AVEN: variants seen among roughly 807,000 people sequenced by gnomAD.
The protein encoded by AVEN is cell death regulator Aven.
AVEN carries 41 observed loss-of-function variants against 38.1 expected under a neutral mutation model. The ratio of observed to expected loss-of-function variants is 1.08; its 90% confidence interval spans 0.84 to 1.40. The LOEUF (loss-of-function observed/expected upper bound fraction) is 1.40. Among genes scored for constraint, AVEN ranks in the 40% most tolerant of loss-of-function variants. The pLI is 0.00. For synonymous variants in AVEN, 206 were observed against 171.8 expected (o/e 1.20, Z -1.56); for missense variants, 605 against 438.8 (o/e 1.38, Z -3.38).
At position 33,866,609 on chromosome 15, in the gene AVEN, C is replaced by T. The variant is rs1329771105; in HGVS notation, c.*4G>A. ...ATTTGCTTCAGGCACTTTTTTTCCC[C>T]TTTTTAGGAAATCATGCTGTCCAAC... On this transcript the variant is annotated 3_prime_UTR_variant, in exon 6 of 6. Coordinates refer to ENST00000306730, the MANE Select transcript of AVEN (RefSeq NM_020371.3). 6.2e-7 allele frequency: 1 copy of T among 1,611,234 alleles called. No homozygotes were observed. The highest frequency in any genetic ancestry group is 8.5e-7 in the Non-Finnish European group (1 of 1,178,254).
intron 2 of AVEN, among the ~76,000 whole-genome samples, chr15:33,997,572 C>T (rs1200272288): frequency 1.3e-5 from 2 of 152,202 alleles, no homozygotes; most frequent in Non-Finnish European, 2.9e-5. Flanking sequence ...TTCTAATCTA[C>T]AGCCACCACT....
chr15:33,941,485 G>A (rs1313402658), intron 2 of AVEN, among the ~76,000 whole-genome samples: 1 of 152,280 alleles, frequency 6.6e-6, no homozygotes, highest in South Asian at 2.1e-4. Context: ...ACCACCAGCT[G>A]TCTGGTCCAA....
chr15:33,871,159 C>T (rs1890931557), intron 3 of AVEN, 129 bp from the exon 4 acceptor site: 3 of 500,750 alleles, frequency 6.0e-6, no homozygotes, highest in Admixed American at 4.2e-5. Context: ...ATACATCACA[C>T]TTATGTGTTA....
chr15:34,001,112 C>G lies in AVEN; in HGVS notation c.445+1920G>C, dbSNP rs529722645. On this transcript the variant is annotated intron_variant, in intron 2 of 5. Coordinates refer to ENST00000306730, the MANE Select transcript of AVEN (RefSeq NM_020371.3). ...CTCAGCTCACTACAACCCCCACCTC[C>G]CAGGCTGAAGCAATTCTCCTGCCTC... Among the ~76,000 whole-genome samples the G allele has an allele frequency of 2.0e-5, 3 of 151,574 alleles. No homozygotes were observed. The South Asian group carries it at 6.3e-4, about 32-fold the overall frequency.
chr15:33,999,311 T>A (rs1409054438), intron 2 of AVEN, among the ~76,000 whole-genome samples: 1 of 152,196 alleles, frequency 6.6e-6, no homozygotes, highest in Non-Finnish European at 1.5e-5. Flanking sequence ...ACTAGGGTGG[T>A]AACATCTCTG....
chr15:33,904,025 AG>A (rs1242369271), intron 2 of AVEN, among the ~76,000 whole-genome samples: 2 of 152,238 alleles, frequency 1.3e-5, no homozygotes, highest in African/African-American at 4.8e-5. Context: ...GTATGGTAAA[AG>A]TATGGTATTA....
At chr15:33,858,340 G>GA (rs112841318), downstream of AVEN, 1,935 of 174,436 alleles carry the variant, frequency 0.011, 37 homozygotes, top group African/African-American at 0.043. Context: ...TAGTAGCTGG[G>GA]ATTACAGGCA....
chr15:33,855,820 A>C (rs1486730156), downstream of AVEN: 1 of 152,234 alleles, frequency 6.6e-6, no homozygotes, highest in Admixed American at 6.5e-5. Context: ...GATATTGATG[A>C]GACTGGATAT....
At chr15:34,062,087 A>G (rs939680372) in intron 5 of AVEN, among the ~76,000 whole-genome samples, 1 of 152,066 alleles carries the variant, frequency 6.6e-6, no homozygotes, top group Non-Finnish European at 1.5e-5. Context: ...TCGTCTTCCC[A>G]GCCCTTTTTA....
At chr15:33,939,833 T>A (rs987668452) in intron 2 of AVEN, among the ~76,000 whole-genome samples, 2 of 152,220 alleles carry the variant, frequency 1.3e-5, no homozygotes, top group Non-Finnish European at 2.9e-5. Flanking sequence ...GAAGAAGTCA[T>A]GAGGGAGAAG....
In AVEN at chr15:33,996,938, G is replaced by A. The variant is rs555710545; in HGVS notation, c.445+6094C>T. 1.6e-3 allele frequency among the ~76,000 whole-genome samples: 240 copies of A among 152,222 alleles called. 1 individual carries two copies. The highest frequency in any genetic ancestry group is 5.3e-3 in the African/African-American group (219 of 41,552). ...CTAAAGGAGGCTGTTCGAACCCATC[G>A]CAAGGAAGCTAAAAAGCTTGAAAAA... On this transcript the variant is annotated intron_variant, in intron 2 of 5. Transcript: ENST00000306730.
intron 5 of AVEN, among the ~76,000 whole-genome samples, chr15:34,052,965 T>C (rs1322450665): frequency 1.3e-5 from 2 of 152,080 alleles, no homozygotes; most frequent in Admixed American, 1.3e-4. Flanking sequence ...AAACTACCAT[T>C]GATATTCTTC....
intron 2 of AVEN, among the ~76,000 whole-genome samples, chr15:33,952,840 T>C (rs1302475946): frequency 6.7e-6 from 1 of 148,522 alleles, no homozygotes; most frequent in Non-Finnish European, 1.5e-5. Context: ...TACACCCTTG[T>C]CCATAAGAGG....
chr15:34,057,142 G>GTT (rs763552413), intron 5 of AVEN, among the ~76,000 whole-genome samples: 50 of 148,842 alleles, frequency 3.4e-4, no homozygotes, highest in South Asian at 6.3e-4. Flanking sequence ...GTTTTTTTTG[G>GTT]TTTTTTTTTT....
chr15:33,947,248 C>T (rs1250410477), intron 2 of AVEN, among the ~76,000 whole-genome samples: 1 of 152,196 alleles, frequency 6.6e-6, no homozygotes, highest in East Asian at 1.9e-4. Context: ...TCATATGCCT[C>T]TGTTGCAGAT....
intron 1 of AVEN, among the ~76,000 whole-genome samples, chr15:34,021,554 T>G (rs114115602): frequency 0.016 from 2,505 of 152,282 alleles, 78 homozygotes; most frequent in African/African-American, 0.053. Flanking sequence ...TTTCTGTATC[T>G]TTAAGAGCAC....
At chr15:34,044,039 A>C (rs559840093), upstream of AVEN, among the ~76,000 whole-genome samples, 4 of 152,110 alleles carry the variant, frequency 2.6e-5, no homozygotes, top group South Asian at 8.3e-4. Flanking sequence ...GGTACCTTCT[A>C]ATGAATCATT....
chr15:33,886,975 G>A (rs1219950052), intron 2 of AVEN, among the ~76,000 whole-genome samples: 4 of 152,136 alleles, frequency 2.6e-5, no homozygotes, highest in Admixed American at 6.5e-5. Flanking sequence ...GAAGAAAAGG[G>A]GGCAGAAGGC....
chr15:33,917,375 T>TGTGTGC (rs762002889), intron 2 of AVEN, among the ~76,000 whole-genome samples: 21 of 19,332 alleles, frequency 1.1e-3, no homozygotes, highest in South Asian at 3.6e-3. Context: ...TGTGTGTGTG[T>TGTGTGC]ATACACACAC....
Sources: allele counts gnomAD v4.1 joint callset (sites outside exome capture counted in the v4.1 genomes callset), GRCh38; gene constraint gnomAD v4.1.1; transcripts MANE v1.5; gene names NCBI Gene and HGNC (gene_info 2026-07-23, HGNC 2026-07-21).